TNR: variants seen among roughly 807,000 people sequenced by gnomAD.
TNR encodes tenascin-R.
Under a neutral mutation model 150.4 loss-of-function variants are expected in TNR, and 45 were observed. That is an observed-to-expected ratio of 0.30 (90% CI 0.24 to 0.38). TNR has a LOEUF of 0.38. Among genes scored for constraint, TNR ranks in the 10% least tolerant of loss-of-function variants. The pLI, the probability that TNR is intolerant of heterozygous loss-of-function variation, is 1.00. For missense variants in TNR, 1,544 were observed against 1,759.1 expected, an observed-to-expected ratio of 0.88 and a Z score of 2.19; for synonymous variants, 687 against 678.4, an observed-to-expected ratio of 1.01 and a Z score of -0.20.
At chr1:175,485,315 A>C (rs549199974) in intron 2 of TNR, among the ~76,000 whole-genome samples, 1 of 152,326 alleles carries the variant, frequency 6.6e-6, no homozygotes, top group East Asian at 1.9e-4. Flanking sequence ...AACTGTAAAC[A>C]GCTTTGAGGA....
At chr1:175,433,900 C>T (rs369575573) in intron 2 of TNR, among the ~76,000 whole-genome samples, 14 of 152,152 alleles carry the variant, frequency 9.2e-5, no homozygotes, top group African/African-American at 3.1e-4. Flanking sequence ...GTTAGTACCC[C>T]GCTTGCTCCT....
chr1:175,404,102 A>G (rs1653844547), intron 3 of TNR, among the ~76,000 whole-genome samples: 2 of 152,082 alleles, frequency 1.3e-5, no homozygotes, highest in African/African-American at 4.8e-5. Flanking sequence ...GTTAAGGTCT[A>G]TGTCCCTGAG....
chr1:175,429,253 T>C (rs1655150649), intron 2 of TNR, among the ~76,000 whole-genome samples: 1 of 152,204 alleles, frequency 6.6e-6, no homozygotes, highest in Non-Finnish European at 1.5e-5. Flanking sequence ...ACATGATTTG[T>C]GAATCATTAA....
intron 1 of TNR, among the ~76,000 whole-genome samples, chr1:175,562,666 T>A (rs1661478203): frequency 6.6e-6 from 1 of 152,192 alleles, no homozygotes; most frequent in Admixed American, 6.5e-5. Flanking sequence ...TAGAACAGCA[T>A]GGCCAAAGGA....
At chr1:175,411,081 G>C (rs1383234371) in intron 2 of TNR, among the ~76,000 whole-genome samples, 1 of 152,168 alleles carries the variant, frequency 6.6e-6, no homozygotes, top group African/African-American at 2.4e-5. Context: ...GTTGTAAAAT[G>C]CTAAGTATAT....
intron 1 of TNR, among the ~76,000 whole-genome samples, chr1:175,625,150 T>G (rs549519343): frequency 6.6e-6 from 1 of 152,348 alleles, no homozygotes; most frequent in South Asian, 2.1e-4. Context: ...AGCCACAAAT[T>G]TGGCTTCTAC....
chr1:175,645,301 G>T (rs1337696077), intron 1 of TNR, among the ~76,000 whole-genome samples: 1 of 152,114 alleles, frequency 6.6e-6, no homozygotes, highest in Non-Finnish European at 1.5e-5. Flanking sequence ...TGAAGCAGAA[G>T]GACAGTTATG....
chr1:175,374,542 G>A (rs1198910066), intron 9 of TNR, among the ~76,000 whole-genome samples: 1 of 152,180 alleles, frequency 6.6e-6, no homozygotes, highest in Non-Finnish European at 1.5e-5. Flanking sequence ...GTGTGTTTGT[G>A]TGTACATGTG....
At chr1:175,376,252 G>A (rs953346261) in intron 9 of TNR, among the ~76,000 whole-genome samples, 1 of 152,200 alleles carries the variant, frequency 6.6e-6, no homozygotes, top group Admixed American at 6.5e-5. Flanking sequence ...GTAGCTCACA[G>A]ACCTCCTCAT....
At chr1:175,328,976 A>G (rs1283130509) in intron 21 of TNR, among the ~76,000 whole-genome samples, 2 of 152,228 alleles carry the variant, frequency 1.3e-5, no homozygotes, top group African/African-American at 2.4e-5. Flanking sequence ...CTCCATTTCA[A>G]TGGCTATTTT....
At chr1:175,531,377 A>G (rs962623368) in intron 1 of TNR, among the ~76,000 whole-genome samples, 12 of 152,236 alleles carry the variant, frequency 7.9e-5, no homozygotes, top group African/African-American at 2.9e-4. Flanking sequence ...ATAGATTCAT[A>G]TAACTGGTGA....
At chr1:175,561,472 C>A (rs950316925) in intron 1 of TNR, among the ~76,000 whole-genome samples, 1 of 152,110 alleles carries the variant, frequency 6.6e-6, no homozygotes, top group Non-Finnish European at 1.5e-5. Flanking sequence ...CACATGGAGG[C>A]AAAGAATAGC....
At chr1:175,361,332 T>C (rs1014988412) in intron 14 of TNR, among the ~76,000 whole-genome samples, 2 of 152,224 alleles carry the variant, frequency 1.3e-5, no homozygotes, top group Non-Finnish European at 2.9e-5. Flanking sequence ...CTAATTTCTT[T>C]AATATGAATT....
intron 1 of TNR, among the ~76,000 whole-genome samples, chr1:175,572,786 T>A (rs895067451): frequency 1.3e-5 from 2 of 151,876 alleles, no homozygotes; most frequent in African/African-American, 2.4e-5. Context: ...CCTTCCAGTA[T>A]GTTTGTCTCA....
At chr1:175,704,530 C>T (rs1257627385) in intron 1 of TNR, among the ~76,000 whole-genome samples, 2 of 152,154 alleles carry the variant, frequency 1.3e-5, no homozygotes, top group African/African-American at 2.4e-5. Flanking sequence ...GGAAGTCGGC[C>T]CTGATCTGCC....
chr1:175,599,098 C>T lies in TNR; in HGVS notation c.-164-70729G>A, dbSNP rs559999335. ...GGAGCTGCGGTCTCCAGACTCCATT[C>T]CAGCCTCTATGGGCCCCGGGTTGCG... On this transcript the variant is annotated intron_variant, in intron 1 of 22. Coordinates refer to ENST00000367674, the MANE Select transcript of TNR (RefSeq NM_003285.3). This position sits in a 1 kb window ranked among gnomAD's most constrained non-coding sequence, Gnocchi z 4.7. Among the ~76,000 whole-genome samples the T allele has an allele frequency of 6.0e-4, 91 of 152,292 alleles. No homozygotes were observed. Among genetic ancestry groups the T allele is most frequent in the Non-Finnish European group, 9.6e-4 (65 of 68,024 alleles).
At chr1:175,400,406 T>TGA (rs1557909053) in intron 4 of TNR, among the ~76,000 whole-genome samples, 1 of 152,208 alleles carries the variant, frequency 6.6e-6, no homozygotes, top group African/African-American at 2.4e-5. Context: ...ATCTGTAAAA[T>TGA]GAGAAGCTTC....
chr1:175,562,492 T>G (rs1558007778), intron 1 of TNR, among the ~76,000 whole-genome samples: 1 of 152,348 alleles, frequency 6.6e-6, no homozygotes, highest in East Asian at 1.9e-4. Context: ...GAGATAAATG[T>G]AAAATGTTGA....
chr1:175,624,773 T>C (rs1030846186), intron 1 of TNR, among the ~76,000 whole-genome samples: 1 of 152,122 alleles, frequency 6.6e-6, no homozygotes, highest in African/African-American at 2.4e-5. Flanking sequence ...AAGGGAATGG[T>C]GGGCTCCTGG....
Sources: allele counts gnomAD v4.1 joint callset (sites outside exome capture counted in the v4.1 genomes callset), GRCh38; gene constraint gnomAD v4.1.1; non-coding constraint Gnocchi (gnomAD v3.1); transcripts MANE v1.5; gene names NCBI Gene and HGNC (gene_info 2026-07-23, HGNC 2026-07-21).